Variants in TBC1D22A observed in about 807,000 individuals in gnomAD.
TBC1D22A encodes the protein TBC1 domain family member 22A, also known as putative GTPase activator.
TBC1D22A carries 38 observed loss-of-function variants against 60.2 expected under a neutral mutation model. That is an observed-to-expected ratio of 0.63 (90% CI 0.49 to 0.83). The LOEUF (loss-of-function observed/expected upper bound fraction) is 0.83. TBC1D22A is among the 40% of genes least tolerant of loss of function. The probability of loss-of-function intolerance (pLI) is 0.00; values close to 1 mark genes in which losing one functional copy is unlikely to be tolerated. For missense variants in TBC1D22A, 628 were observed against 701.0 expected, an observed-to-expected ratio of 0.90 and a Z score of 1.18; for synonymous variants, 302 against 281.7, an observed-to-expected ratio of 1.07 and a Z score of -0.72.
chr22:47,109,660 T>C (rs1382558743), intron 11 of TBC1D22A, among the ~76,000 whole-genome samples: 4 of 152,192 alleles, frequency 2.6e-5, no homozygotes, highest in Non-Finnish European at 5.9e-5. Flanking sequence ...TACAGCCTTT[T>C]CCATAAACCT....
chr22:47,103,881 T>G (rs1244605463), intron 11 of TBC1D22A, among the ~76,000 whole-genome samples: 4 of 152,198 alleles, frequency 2.6e-5, no homozygotes, highest in Admixed American at 6.5e-5. Context: ...TATCATGACT[T>G]ACTTTCCAGC....
At position 46,830,619 on chromosome 22, in the gene TBC1D22A, ATGGCACAAGG is replaced by A. The variant is rs537606747; in HGVS notation, c.637+33000_637+33009del. 3.3e-5 allele frequency among the ~76,000 whole-genome samples: 5 copies of A among 152,350 alleles called. No individual in the cohort carries two copies. The South Asian group carries it at 1.0e-3, about 32-fold the overall frequency. ...CACATCACTTTCCGTGGGCCAGCTGATGGCACAAGGCCAAGCCCAACATCAATGGGCAGGA... is the reference window on the plus strand; with the variant it reads ...CACATCACTTTCCGTGGGCCAGCTGACCAAGCCCAACATCAATGGGCAGGA... On this transcript the variant is annotated intron_variant, in intron 4 of 12. Transcript: ENST00000337137.
At chr22:46,926,069 G>A (rs1205731613) in intron 8 of TBC1D22A, among the ~76,000 whole-genome samples, 1 of 152,212 alleles carries the variant, frequency 6.6e-6, no homozygotes, top group Admixed American at 6.5e-5. Flanking sequence ...TAAATAACCA[G>A]TGGGTCAAAG....
intron 12 of TBC1D22A, among the ~76,000 whole-genome samples, chr22:47,150,158 G>GGCACAGTCACTGGT (rs2067448517): frequency 6.6e-6 from 1 of 151,834 alleles, no homozygotes; most frequent in African/African-American, 2.4e-5. Context: ...CGCGGCACGG[G>GGCACAGTCACTGGT]GCACAGTCAC....
At chr22:47,039,046 C>A (rs940235395) in intron 11 of TBC1D22A, among the ~76,000 whole-genome samples, 4 of 152,198 alleles carry the variant, frequency 2.6e-5, no homozygotes, top group African/African-American at 9.6e-5. Context: ...CCTTGTAATA[C>A]TGTCCCCATT....
intron 12 of TBC1D22A, among the ~76,000 whole-genome samples, chr22:47,171,400 G>T (rs898793592): frequency 6.6e-6 from 1 of 152,208 alleles, no homozygotes; most frequent in East Asian, 1.9e-4. Flanking sequence ...TTTGGGGTGG[G>T]AGGTAGGAGA....
chr22:47,014,332 G>T (rs1044320731), intron 10 of TBC1D22A, among the ~76,000 whole-genome samples: 1 of 152,162 alleles, frequency 6.6e-6, no homozygotes, highest in Non-Finnish European at 1.5e-5. Context: ...GCTGGGACGG[G>T]GAGAGGTGAA....
rs1026729556 is a variant in TBC1D22A, at chr22:47,146,963, C to T, written c.1426-26535C>T. Among the ~76,000 whole-genome samples, 7 of 152,246 alleles carry T rather than the reference C, an allele frequency of 4.6e-5. No homozygotes were observed. The South Asian group carries it at 6.2e-4, about 14-fold the overall frequency. Reference sequence around the variant, plus strand: ...TCATTTGAAAAATACCACAGCCCACCGGCTGGCCCATGAGAGTGGCAGTTA... The same window carrying T: ...TCATTTGAAAAATACCACAGCCCACTGGCTGGCCCATGAGAGTGGCAGTTA... On this transcript the variant is annotated intron_variant, in intron 12 of 12. Coordinates refer to ENST00000337137, the MANE Select transcript of TBC1D22A (RefSeq NM_014346.5).
intron 11 of TBC1D22A, among the ~76,000 whole-genome samples, chr22:47,085,288 A>T (rs1265021445): frequency 1.3e-5 from 2 of 152,236 alleles, no homozygotes; most frequent in Non-Finnish European, 1.5e-5. Flanking sequence ...TTATAAATAT[A>T]TACATATATT....
chr22:46,985,066 C>T (rs1176601673), intron 9 of TBC1D22A, among the ~76,000 whole-genome samples: 2 of 152,160 alleles, frequency 1.3e-5, no homozygotes. Context: ...TGAGCTCAGG[C>T]AGCTGGAACT....
chr22:46,833,125 A>T (rs2086380252), intron 4 of TBC1D22A, among the ~76,000 whole-genome samples: 1 of 152,228 alleles, frequency 6.6e-6, no homozygotes. Context: ...CTTTCAGGTT[A>T]GTGGGAAGAT....
At chr22:46,789,416 T>C in intron 1 of TBC1D22A, 1 of 455,530 alleles carries the variant, frequency 2.2e-6, no homozygotes, top group Non-Finnish European at 4.5e-6. Flanking sequence ...TCCTGTGACA[T>C]GCTCTTGTAG....
intron 11 of TBC1D22A, among the ~76,000 whole-genome samples, chr22:47,061,046 GCT>G (rs1156615884): frequency 1.3e-5 from 2 of 151,960 alleles, no homozygotes; most frequent in African/African-American, 4.8e-5. Context: ...GTTGAGCCAC[GCT>G]GTCTTCCTCG....
At chr22:47,054,708 C>CCGGT (rs147135970) in intron 11 of TBC1D22A, among the ~76,000 whole-genome samples, 1,875 of 152,252 alleles carry the variant, frequency 0.012, 39 homozygotes, top group African/African-American at 0.04. Context: ...AGTAGCAGGG[C>CCGGT]CGGTGGTGGG....
rs73473653 is a variant in TBC1D22A, at chr22:47,078,956, C to A, written c.1330-32552C>A. 9.0e-3 allele frequency among the ~76,000 whole-genome samples: 1,373 copies of A among 152,292 alleles called. 15 individuals carry two copies. The highest frequency in any genetic ancestry group is 0.032 in the African/African-American group (1,310 of 41,552). On this transcript the variant is annotated intron_variant, in intron 11 of 12. Coordinates refer to ENST00000337137, the MANE Select transcript of TBC1D22A (RefSeq NM_014346.5). ...TTTACAGAGCTCTCAGCTACAGTGT[C>A]CTCAACTGTGCAGAGCTTCTCTCTT...
At chr22:46,934,036 A>C (rs1332444541) in intron 8 of TBC1D22A, among the ~76,000 whole-genome samples, 2 of 151,974 alleles carry the variant, frequency 1.3e-5, no homozygotes, top group African/African-American at 4.8e-5. Flanking sequence ...TCTTTTTTCT[A>C]TTTGCTTTTC....
At position 47,063,921 on chromosome 22, in the gene TBC1D22A, G is replaced by A. The variant is rs35606847; in HGVS notation, c.1329+26723G>A. Reference sequence around the variant, plus strand: ...TTCCTCTTCTGTGAGGACACCCATCGTTGGATCAGGGCCCCCCTACTCCAG... The same window carrying A: ...TTCCTCTTCTGTGAGGACACCCATCATTGGATCAGGGCCCCCCTACTCCAG... On this transcript the variant is annotated intron_variant, in intron 11 of 12. Transcript: ENST00000337137. Among the ~76,000 whole-genome samples, 457 of 147,682 alleles carry A rather than the reference G, an allele frequency of 3.1e-3. 17 individuals carry two copies. Among genetic ancestry groups the A allele is most frequent in the Non-Finnish European group, 4.7e-3 (312 of 66,114 alleles).
At chr22:47,099,606 C>G (rs1020963985) in intron 11 of TBC1D22A, among the ~76,000 whole-genome samples, 3 of 152,048 alleles carry the variant, frequency 2.0e-5, no homozygotes, top group Admixed American at 1.3e-4. Flanking sequence ...CCACCACACC[C>G]AGCTAATTTT....
chr22:46,885,597 A>T (rs192690468), intron 5 of TBC1D22A, among the ~76,000 whole-genome samples: 1 of 152,350 alleles, frequency 6.6e-6, no homozygotes, highest in African/African-American at 2.4e-5. Context: ...ACGGGTCTGG[A>T]TGAAGCCTGT....
Sources: gnomAD v4.1 joint callset for allele counts (sites outside exome capture counted in the v4.1 genomes callset) on GRCh38, gnomAD v4.1.1 for gene constraint, MANE v1.5 for transcripts, NCBI Gene and HGNC (gene_info 2026-07-23, HGNC 2026-07-21) for gene names.